Variants in LAMA2 observed in about 807,000 individuals in gnomAD.
LAMA2 encodes laminin subunit alpha-2.
In LAMA2, 269 loss-of-function variants were observed where a neutral mutation model predicts 364.8. That is an observed-to-expected ratio of 0.74 (90% CI 0.67 to 0.82). LAMA2 has a LOEUF of 0.82. Among genes scored for constraint, LAMA2 ranks in the 40% least tolerant of loss-of-function variants. The pLI is 0.00. For synonymous variants in LAMA2, 1,379 were observed against 1,370.6 expected, an observed-to-expected ratio of 1.01 and a Z score of -0.14; for missense variants, 3,807 against 3,873.2, an observed-to-expected ratio of 0.98 and a Z score of 0.45.
rs969583071 is a variant in LAMA2 at position 129,443,177 on chromosome 6, G to A, written c.6274+109G>A. ...ATATTTTGGTTTTGCTTTAAACATT[G>A]CGTAGCTATTCTTTCCACTGTTACA... On this transcript the variant is annotated intron_variant, in intron 44 of 64. Coordinates refer to ENST00000421865, the MANE Select transcript of LAMA2 (RefSeq NM_000426.4). 1.2e-5 allele frequency: 9 copies of A among 726,828 alleles called. No individual in the cohort carries two copies. In the Admixed American group the frequency reaches 2.2e-4, roughly 18 times the overall value. The allele number at this position is 726,828 out of a possible 1,614,324, so 45.0% of individuals were successfully genotyped here. A position where few individuals can be genotyped will look rare whatever the true frequency, so the allele number is the denominator to read the frequency against.
Position 129,473,774 on chromosome 6 carries a change from T to C in LAMA2, c.7439+422T>C, listed in dbSNP as rs185582759. Among the ~76,000 whole-genome samples, 428 of 152,158 alleles carry C rather than the reference T, an allele frequency of 2.8e-3. 2 individuals carry two copies. Among genetic ancestry groups the C allele is most frequent in the Admixed American group, 5.3e-3 (81 of 15,262 alleles). On this transcript the variant is annotated intron_variant, in intron 52 of 64. Coordinates refer to ENST00000421865, the MANE Select transcript of LAMA2 (RefSeq NM_000426.4). ...CCTATTTTATTGCTAAGCATTAGCA[T>C]CATAATGGCGTGTTGGAGCTTTCCC...
At chr6:129,088,747 C>G (rs1316784065) in intron 3 of LAMA2, among the ~76,000 whole-genome samples, 1 of 151,542 alleles carries the variant, frequency 6.6e-6, no homozygotes, top group Non-Finnish European at 1.5e-5. Flanking sequence ...CTCCTCACTT[C>G]TCAGACGCAG....
At chr6:129,370,758 C>T (rs1202177586) in intron 34 of LAMA2, among the ~76,000 whole-genome samples, 1 of 152,060 alleles carries the variant, frequency 6.6e-6, no homozygotes, top group Non-Finnish European at 1.5e-5. Context: ...TGCCTCGGGC[C>T]ATGACAGTGA....
At position 129,438,767 on chromosome 6, in the gene LAMA2, G is replaced by C; in HGVS notation, c.6085+5G>C. 8 of 1,404,372 alleles carry C rather than the reference G, an allele frequency of 5.7e-6. No homozygotes were observed. The highest frequency in any genetic ancestry group is 7.1e-6 in the Non-Finnish European group (7 of 988,948). 87.0% of individuals were successfully genotyped at this position (1,404,372 alleles called of 1,614,324 possible). A position where few individuals can be genotyped will look rare whatever the true frequency, so the allele number is the denominator to read the frequency against. On this transcript the variant is annotated splice_donor_5th_base_variant and intron_variant, in intron 42 of 64. Transcript: ENST00000421865. Reference sequence around the variant, plus strand: ...AGTTATCAGCTATTCCAAATGGTAAGCATTCAGGACACTACCAACTGTGTC... The same window carrying C: ...AGTTATCAGCTATTCCAAATGGTAACCATTCAGGACACTACCAACTGTGTC...
At chr6:129,381,885 A>G (rs1369828610) in intron 34 of LAMA2, among the ~76,000 whole-genome samples, 2 of 152,212 alleles carry the variant, frequency 1.3e-5, no homozygotes, top group Non-Finnish European at 2.9e-5. Context: ...GTTAGATGAT[A>G]ATAGTTGGAC....
intron 4 of LAMA2, among the ~76,000 whole-genome samples, chr6:129,120,441 A>G (rs115663955): frequency 0.028 from 4,335 of 152,268 alleles, 225 homozygotes; most frequent in African/African-American, 0.099. Context: ...ATTCATTTTG[A>G]GCTTACAGGG....
intron 64 of LAMA2, among the ~76,000 whole-genome samples, chr6:129,515,192 C>CTTAA (rs1786950300): frequency 6.6e-6 from 1 of 152,150 alleles, no homozygotes. Flanking sequence ...CCAAGTGCCT[C>CTTAA]TTAATAAGTA....
intron 62 of LAMA2, among the ~76,000 whole-genome samples, chr6:129,508,162 T>G (rs1786257293): frequency 6.6e-6 from 1 of 152,236 alleles, no homozygotes; most frequent in Non-Finnish European, 1.5e-5. Context: ...TTTATATCAC[T>G]GGTCATGAAG....
Position 129,127,268 on chromosome 6 carries a change from A to G in LAMA2, c.640-16633A>G, listed in dbSNP as rs969936844. 2.4e-4 allele frequency among the ~76,000 whole-genome samples: 36 copies of G among 152,338 alleles called. 1 individual carries two copies. The highest frequency in any genetic ancestry group is 2.2e-3 in the Admixed American group (33 of 15,306). ...CATTCCCACAGCCCTCAGCCTCTGT[A>G]ACTTCTATTTCACTCACTCCTTCTA... On this transcript the variant is annotated intron_variant, in intron 4 of 64. Transcript: ENST00000421865.
At chr6:128,929,546 A>G in intron 1 of LAMA2, 1 of 975,772 alleles carries the variant, frequency 1.0e-6, no homozygotes. Flanking sequence ...CCTGAGCGAC[A>G]ATTATCTCCA....
In LAMA2 at chr6:129,252,064, T is replaced by C. The variant is rs1433984694; in HGVS notation, c.1885-20T>C. 6 of 1,566,714 alleles carry C rather than the reference T, an allele frequency of 3.8e-6. No individual in the cohort carries two copies. Among genetic ancestry groups the C allele is most frequent in the Non-Finnish European group, 4.4e-6 (5 of 1,138,628 alleles). On this transcript the variant is annotated intron_variant, in intron 13 of 64. Coordinates refer to ENST00000421865, the MANE Select transcript of LAMA2 (RefSeq NM_000426.4). The stretch of plus-strand genomic sequence containing the variant: ...CTTTTCAGTTTTACTCTTTTTTATT[T>C]CTTTTTTTTCCCCCTTTAGGGTAAT...
In LAMA2 at chr6:129,158,909, GC is replaced by G. The variant is rs372236924; in HGVS notation, c.1206+4227del. On this transcript the variant is annotated intron_variant, in intron 8 of 64. Coordinates refer to ENST00000421865, the MANE Select transcript of LAMA2 (RefSeq NM_000426.4). ...ATTAGTTATGCATGTGTTATTAATA[GC>G]ATCATCTGGGCAGTGCCCTCAGCAA... 1.7e-3 allele frequency: 2,722 copies of G among 1,606,116 alleles called. 3 individuals carry two copies. The highest frequency in any genetic ancestry group is 1.8e-3 in the Non-Finnish European group (2,093 of 1,173,062).
At chr6:129,347,368 T>C (rs1026578206) in intron 30 of LAMA2, among the ~76,000 whole-genome samples, 8 of 151,980 alleles carry the variant, frequency 5.3e-5, no homozygotes. Context: ...AATATTTAAA[T>C]CCCTTAGGAC....
At chr6:129,128,746 A>T (rs1035877646) in intron 4 of LAMA2, among the ~76,000 whole-genome samples, 1 of 152,162 alleles carries the variant, frequency 6.6e-6, no homozygotes, top group Non-Finnish European at 1.5e-5. Flanking sequence ...TAAGCATTTA[A>T]TCTTTTTTAT....
chr6:129,014,617 G>A (rs190813628), intron 1 of LAMA2, among the ~76,000 whole-genome samples: 352 of 152,134 alleles, frequency 2.3e-3, no homozygotes, highest in South Asian at 4.6e-3. Context: ...TGTACACAGT[G>A]TGCTACACTG....
chr6:129,328,491 C>A lies in LAMA2; in HGVS notation c.4311+79C>A. On this transcript the variant is annotated intron_variant, in intron 29 of 64. Transcript: ENST00000421865. ...CATGCTCAGCATCTGCATGCAGAGG[C>A]CAGCTAAACTGTAAGGGAATGCAAC... The A allele has an allele frequency of 3.7e-6, 6 of 1,607,296 alleles. No homozygotes were observed. The South Asian group carries it at 6.6e-5, about 18-fold the overall frequency.
intron 54 of LAMA2, 83 bp downstream of exon 54, chr6:129,478,896 C>A (rs759585544): frequency 2.4e-6 from 3 of 1,238,836 alleles, no homozygotes; most frequent in Non-Finnish European, 3.6e-6. Flanking sequence ...AAGGATCAGT[C>A]TTTTGTTAAT....
intron 1 of LAMA2, among the ~76,000 whole-genome samples, chr6:129,047,227 C>A (rs1787580951): frequency 6.6e-6 from 1 of 152,070 alleles, no homozygotes; most frequent in Non-Finnish European, 1.5e-5. Context: ...AAATGGTACT[C>A]TACTTTTTAT....
At chr6:129,335,091 A>G (rs1442448342) in intron 29 of LAMA2, among the ~76,000 whole-genome samples, 3 of 152,186 alleles carry the variant, frequency 2.0e-5, no homozygotes, top group Non-Finnish European at 4.4e-5. Context: ...AAAGCTTTAT[A>G]GACTAAATAT....
Sources: gnomAD v4.1 joint callset for allele counts (sites outside exome capture counted in the v4.1 genomes callset) on GRCh38, gnomAD v4.1.1 for gene constraint, MANE v1.5 for transcripts, NCBI Gene and HGNC (gene_info 2026-07-23, HGNC 2026-07-21) for gene names.